The following DLGAP2 variants were observed in gnomAD, a reference collection of about 807,000 sequenced individuals.
DLGAP2 encodes disks large-associated protein 2.
In DLGAP2, 26 loss-of-function variants were observed where a neutral mutation model predicts 100.3. The ratio of observed to expected loss-of-function variants is 0.26; its 90% CI spans 0.19 to 0.36. DLGAP2 has a LOEUF of 0.36. DLGAP2 is among the 10% of genes least tolerant of loss of function. The probability of loss-of-function intolerance (pLI) is 1.00; values close to 1 mark genes in which losing one functional copy is unlikely to be tolerated. For synonymous variants in DLGAP2, 886 were observed against 630.1 expected (o/e 1.41, Z -6.08); for missense variants, 1,858 against 1,453.2 (o/e 1.28, Z -4.53).
intron 2 of DLGAP2, among the ~76,000 whole-genome samples, chr8:1,166,951 C>T (rs1225016521): frequency 1.3e-5 from 2 of 152,070 alleles, no homozygotes; most frequent in Admixed American, 6.6e-5. Context: ...TCAGGATCAG[C>T]CTAGGCAACA....
intron 2 of DLGAP2, among the ~76,000 whole-genome samples, chr8:1,227,153 G>GATAGATATATAT (rs796173465): frequency 4.5e-5 from 4 of 89,710 alleles, no homozygotes; most frequent in South Asian, 4.1e-4. Context: ...GAAACTGTGA[G>GATAGATATATAT]ATATATATAT....
At chr8:1,306,011 T>G (rs1800480709) in intron 3 of DLGAP2, among the ~76,000 whole-genome samples, 1 of 146,308 alleles carries the variant, frequency 6.8e-6, no homozygotes, top group Non-Finnish European at 1.5e-5. Flanking sequence ...AATTCCTTTT[T>G]CAGAAGAGGA....
intron 2 of DLGAP2, among the ~76,000 whole-genome samples, chr8:1,238,568 C>CA (rs1798717145): frequency 2.3e-5 from 1 of 44,234 alleles, no homozygotes; most frequent in Admixed American, 2.4e-4. Flanking sequence ...TAGTTCTCTC[C>CA]CATGGCGCCG....
At chr8:1,628,363 C>G (rs1797560330) in intron 7 of DLGAP2, among the ~76,000 whole-genome samples, 1 of 144,666 alleles carries the variant, frequency 6.9e-6, no homozygotes, top group Admixed American at 6.7e-5. Context: ...GGATTAAGAG[C>G]TTGAGCCAAC....
chr8:973,923 G>T (rs1037392718), intron 2 of DLGAP2, among the ~76,000 whole-genome samples: 1 of 148,700 alleles, frequency 6.7e-6, no homozygotes, highest in Non-Finnish European at 1.5e-5. Flanking sequence ...CCGCCACCCC[G>T]GCTGGAGAGC....
chr8:1,255,011 G>C (rs377504578), intron 2 of DLGAP2, among the ~76,000 whole-genome samples: 869 of 44,446 alleles, frequency 0.02, 27 homozygotes, highest in Admixed American at 0.027. Flanking sequence ...TCCTGCTTGG[G>C]CGCTGTGTGT....
rs544253279 is a variant in DLGAP2, at chr8:1,492,290, C to T, written c.107-9076C>T. Among the ~76,000 whole-genome samples the T allele has an allele frequency of 4.6e-4, 70 of 152,350 alleles. No individual in the cohort carries two copies. In the South Asian group the frequency reaches 0.014, roughly 31 times the overall value. On this transcript the variant is annotated intron_variant, in intron 3 of 14. Coordinates refer to ENST00000637795, the MANE Select transcript of DLGAP2 (RefSeq NM_001346810.2). ...TGGAGGAGGAAGCCAGCATTAAAAC[C>T]AATCAATGTCATTGTCCTAACGGAG...
intron 3 of DLGAP2, among the ~76,000 whole-genome samples, chr8:1,478,547 C>A (rs189614671): frequency 6.6e-6 from 1 of 152,196 alleles, no homozygotes; most frequent in South Asian, 2.1e-4. Flanking sequence ...ACCATAGATG[C>A]CCAGGGCAAT....
chr8:1,101,052 G>A lies in DLGAP2; in HGVS notation c.74-157799G>A, dbSNP rs78166948. 7.7e-3 allele frequency among the ~76,000 whole-genome samples: 1,178 copies of A among 152,270 alleles called. 17 individuals carry two copies. Among genetic ancestry groups the A allele is most frequent in the African/African-American group, 0.027 (1,114 of 41,552 alleles). On this transcript the variant is annotated intron_variant, in intron 2 of 14. Coordinates refer to ENST00000637795, the MANE Select transcript of DLGAP2 (RefSeq NM_001346810.2). The stretch of plus-strand genomic sequence containing the variant: ...TGGGGTTTCTTCTGGGGTTCCTGGC[G>A]TTCACAAGCCCACGTCTACTCCTCA...
At chr8:928,260 T>A (rs936618596) in intron 2 of DLGAP2, among the ~76,000 whole-genome samples, 2 of 152,204 alleles carry the variant, frequency 1.3e-5, no homozygotes, top group South Asian at 4.1e-4. Context: ...TTGCGTTCAC[T>A]AGGTGTCCTG....
intron 12 of DLGAP2, among the ~76,000 whole-genome samples, chr8:1,682,159 C>T (rs895332192): frequency 1.3e-5 from 2 of 152,236 alleles, no homozygotes; most frequent in African/African-American, 2.4e-5. Context: ...CATTCTGGTC[C>T]TCCACGACTG....
intron 2 of DLGAP2, among the ~76,000 whole-genome samples, chr8:1,115,798 T>C (rs777217424): frequency 7.9e-5 from 12 of 152,096 alleles, no homozygotes; most frequent in Non-Finnish European, 1.6e-4. Context: ...CAAATGACAG[T>C]TTTCGAATTT....
intron 3 of DLGAP2, among the ~76,000 whole-genome samples, chr8:1,270,695 T>C (rs1799564092): frequency 1.5e-5 from 1 of 68,542 alleles, no homozygotes; most frequent in African/African-American, 4.1e-5. Context: ...TATGTCTCTG[T>C]GTGTGTCTCT....
intron 2 of DLGAP2, among the ~76,000 whole-genome samples, chr8:970,694 A>C (rs1378347078): frequency 6.6e-6 from 1 of 152,226 alleles, no homozygotes; most frequent in East Asian, 1.9e-4. Context: ...ACATGTAATT[A>C]TTTTAACAAA....
intron 3 of DLGAP2, among the ~76,000 whole-genome samples, chr8:1,428,885 C>T (rs1199114051): frequency 6.6e-6 from 1 of 152,230 alleles, no homozygotes; most frequent in African/African-American, 2.4e-5. Context: ...CTCCCATGCA[C>T]AGGACGTCGT....
At chr8:1,223,927 T>C (rs951221609) in intron 2 of DLGAP2, among the ~76,000 whole-genome samples, 4 of 152,258 alleles carry the variant, frequency 2.6e-5, no homozygotes, top group Non-Finnish European at 5.9e-5. Context: ...ATACTCCTTG[T>C]TGTTAAAAAC....
Position 1,701,779 on chromosome 8 carries a change from A to G in DLGAP2, c.*373A>G, listed in dbSNP as rs1381974361. 1.6e-5 allele frequency: 4 copies of G among 253,064 alleles called. No individual in the cohort carries two copies. The highest frequency in any genetic ancestry group is 3.0e-5 in the Non-Finnish European group (4 of 133,754). 15.7% of individuals were successfully genotyped at this position (253,064 alleles called of 1,614,324 possible). A position where few individuals can be genotyped will look rare whatever the true frequency, so the allele number is the denominator to read the frequency against. On this transcript the variant is annotated 3_prime_UTR_variant, in exon 15 of 15. Coordinates refer to ENST00000637795, the MANE Select transcript of DLGAP2 (RefSeq NM_001346810.2). Reference sequence around the variant, plus strand: ...TTTTTATAAATTGTGTGATAATTAGAGGTAAGAATAACAAGTAACTATAAA... The same window carrying G: ...TTTTTATAAATTGTGTGATAATTAGGGGTAAGAATAACAAGTAACTATAAA...
chr8:768,062 G>A (rs368909789), intron 1 of DLGAP2, among the ~76,000 whole-genome samples: 1 of 152,228 alleles, frequency 6.6e-6, no homozygotes, highest in Non-Finnish European at 1.5e-5. Flanking sequence ...CAGCTCTCTA[G>A]TGTTTTCCCC....
intron 6 of DLGAP2, among the ~76,000 whole-genome samples, chr8:1,597,052 G>T (rs144758952): frequency 6.6e-6 from 1 of 152,154 alleles, no homozygotes; most frequent in African/African-American, 2.4e-5. Context: ...TAAGGTGTAA[G>T]GAAGGAGTCC....
Sources: allele counts gnomAD v4.1 joint callset (sites outside exome capture counted in the v4.1 genomes callset), GRCh38; gene constraint gnomAD v4.1.1; transcripts MANE v1.5; gene names NCBI Gene and HGNC (gene_info 2026-07-23, HGNC 2026-07-21).